DYNC2H1: variants seen among roughly 807,000 people sequenced by gnomAD.
DYNC2H1 encodes dynein cytoplasmic 2 heavy chain 1.
Under a neutral mutation model 570.0 loss-of-function variants are expected in DYNC2H1, and 410 were observed. The ratio of observed to expected loss-of-function variants is 0.72; its 90% CI spans 0.66 to 0.78. DYNC2H1 has a LOEUF of 0.78. Among genes scored for constraint, DYNC2H1 ranks in the 30% least tolerant of loss-of-function variants. The pLI, the probability that DYNC2H1 is intolerant of heterozygous loss-of-function variation, is 0.00. For synonymous variants in DYNC2H1, 1,688 were observed against 1,677.6 expected (o/e 1.01, Z -0.15); for missense variants, 4,865 against 5,046.4 (o/e 0.96, Z 1.09).
At position 103,118,344 on chromosome 11, in the gene DYNC2H1, T is replaced by C. The variant is rs1437497979; in HGVS notation, c.999+481T>C. 3.3e-5 allele frequency among the ~76,000 whole-genome samples: 5 copies of C among 151,884 alleles called. No individual in the cohort carries two copies. The South Asian group carries it at 8.3e-4, about 25-fold the overall frequency. ...TGCTTAGAAGAACTATAGTTCTTTATTAGAGACTTTTTTAAAAAAAAAAAC... is the reference window on the plus strand; with the variant it reads ...TGCTTAGAAGAACTATAGTTCTTTACTAGAGACTTTTTTAAAAAAAAAAAC... On this transcript the variant is annotated intron_variant, in intron 6 of 88. Coordinates refer to ENST00000375735, the MANE Select transcript of DYNC2H1 (RefSeq NM_001377.3).
At chr11:103,387,002 T>G (rs1252408657) in intron 83 of DYNC2H1, among the ~76,000 whole-genome samples, 6 of 151,976 alleles carry the variant, frequency 3.9e-5, no homozygotes, top group Non-Finnish European at 4.4e-5. Flanking sequence ...TTATAATCCT[T>G]TGGGTATATA....
chr11:103,263,955 T>C (rs1233351943), intron 70 of DYNC2H1, among the ~76,000 whole-genome samples: 1 of 151,548 alleles, frequency 6.6e-6, no homozygotes, highest in Admixed American at 6.6e-5. Flanking sequence ...AATAGACCGC[T>C]AGCAAGACTA....
At chr11:103,173,939 G>A in intron 35 of DYNC2H1, 116 bp from the exon 36 acceptor site, 1 of 675,516 alleles carries the variant, frequency 1.5e-6, no homozygotes, top group Non-Finnish European at 2.5e-6. Flanking sequence ...TAAATTAATG[G>A]GATATCAACA....
intron 83 of DYNC2H1, among the ~76,000 whole-genome samples, chr11:103,360,610 AATTATT>A (rs927926176): frequency 6.6e-6 from 1 of 152,136 alleles, no homozygotes; most frequent in Admixed American, 6.6e-5. Context: ...TTTTCAAGCA[AATTATT>A]ATTATTTATT....
chr11:103,159,097 C>G, intron 28 of DYNC2H1, 70 bp downstream of exon 28: 1 of 1,180,420 alleles, frequency 8.5e-7, no homozygotes, highest in Non-Finnish European at 1.2e-6. Flanking sequence ...ATATTATGCT[C>G]TTAGGTAGAC....
chr11:103,317,781 A>T (rs1271286607), intron 80 of DYNC2H1, among the ~76,000 whole-genome samples: 1 of 152,080 alleles, frequency 6.6e-6, no homozygotes, highest in Non-Finnish European at 1.5e-5. Flanking sequence ...GCTTCTGGAG[A>T]TTGATTTCTT....
rs766435315 is a variant in DYNC2H1, at chr11:103,176,310, G to A, written c.5750G>A (p.Arg1917Gln). The A allele has an allele frequency of 7.1e-5, 111 of 1,557,092 alleles. 1 individual carries two copies. Among genetic ancestry groups the A allele is most frequent in the South Asian group, 3.2e-4 (27 of 83,102 alleles). ...AAGTTTACGTTTACTGATTGCACCC[G>A]GTTTGATGCACTGATAAAAGATGTC... ...MSKFTFTDCT[R>Q]FDALIKDVFP... Residue 1917 changes from arginine to glutamine, a missense_variant, in exon 37 of 89, where the codon CGG becomes CAG. This residue lies in a region of DYNC2H1 where 292 missense variants were observed against 300.2 expected (regional missense o/e 0.97). Transcript: ENST00000375735.
intron 83 of DYNC2H1, among the ~76,000 whole-genome samples, chr11:103,370,812 A>T (rs1941114759): frequency 1.3e-5 from 2 of 152,146 alleles, no homozygotes; most frequent in Non-Finnish European, 2.9e-5. Flanking sequence ...ACAACACCCA[A>T]GTCCTTTAAA....
At chr11:103,357,847 G>C (rs919404279) in intron 82 of DYNC2H1, among the ~76,000 whole-genome samples, 1 of 152,160 alleles carries the variant, frequency 6.6e-6, no homozygotes, top group African/African-American at 2.4e-5. Context: ...CTAGTAGGGA[G>C]GCTGAGATGG....
At chr11:103,466,945 G>A (rs535858062) in intron 87 of DYNC2H1, among the ~76,000 whole-genome samples, 1 of 152,080 alleles carries the variant, frequency 6.6e-6, no homozygotes, top group African/African-American at 2.4e-5. Flanking sequence ...GGTTATTGAG[G>A]TGTTTTTTTA....
At chr11:103,378,996 A>G (rs183317968) in intron 83 of DYNC2H1, among the ~76,000 whole-genome samples, 2 of 152,314 alleles carry the variant, frequency 1.3e-5, no homozygotes, top group East Asian at 3.9e-4. Context: ...TCTAAAGCCA[A>G]CCTTTCCACC....
chr11:103,376,939 C>T (rs1489422067), intron 83 of DYNC2H1, among the ~76,000 whole-genome samples: 2 of 152,150 alleles, frequency 1.3e-5, no homozygotes, highest in African/African-American at 4.8e-5. Context: ...TTTCTCAGTA[C>T]TTTCTCTTCC....
At position 103,399,862 on chromosome 11, in the gene DYNC2H1, T is replaced by C; in HGVS notation, c.12356T>C (p.Leu4119Ser). 1 of 1,613,438 alleles carries C rather than the reference T, an allele frequency of 6.2e-7. No homozygotes were observed. Among genetic ancestry groups the C allele is most frequent in the Non-Finnish European group, 8.5e-7 (1 of 1,179,608 alleles). Residue 4119 changes from leucine to serine, a missense_variant, in exon 84 of 89, where the codon TTA (leucine) becomes TCA (serine). Physicochemically the swap from Leu to Ser is moderately radical, Grantham distance 145 (BLOSUM62 -2). Around this residue, in one of 5 missense-constraint regions of DYNC2H1, gnomAD observed 2,401 missense variants for 2,454.6 expected, o/e 0.98. Transcript: ENST00000375735. Reference sequence around the variant, plus strand: ...GTACAAAAATTGGCAAGTGCTTTATTAAACCAAAAGGTAAGCGAGTACTAA... The same window carrying C: ...GTACAAAAATTGGCAAGTGCTTTATCAAACCAAAAGGTAAGCGAGTACTAA... ...SEVQKLASAL[L>S]NQKCPLAWQS...
Position 103,199,440 on chromosome 11 carries a change from A to T in DYNC2H1, c.8052A>T (p.Gly2684=), listed in dbSNP as rs769597063. The T allele has an allele frequency of 1.1e-5, 17 of 1,606,848 alleles. No homozygotes were observed. Among genetic ancestry groups the T allele is most frequent in the Admixed American group, 1.7e-5 (1 of 59,702 alleles). Residue 2684 remains glycine, a synonymous_variant, in exon 49 of 89, where the codon GGA becomes GGT. Coordinates refer to ENST00000375735, the MANE Select transcript of DYNC2H1 (RefSeq NM_001377.3). The surrounding 1 kb of genome is among the most constrained non-coding windows in gnomAD (Gnocchi z 4.6). ...AVLFSPKISR[G]YELKQFKNDL... is the part of the protein sequence containing the mutation. ...TGTTTTCTCCAAAGATTTCCAGAGG[A>T]TATGAACTGAAGCAGTTCAAAAATG...
chr11:103,147,790 T>G lies in DYNC2H1; in HGVS notation c.2721T>G (p.Cys907Trp). Residue 907 changes from cysteine (C) to tryptophan (W), a missense_variant, in exon 19 of 89, where the codon TGT becomes TGG. This residue lies in a region of DYNC2H1 where 1,936 missense variants were observed against 1,962.1 expected (regional missense o/e 0.99). Coordinates refer to ENST00000375735, the MANE Select transcript of DYNC2H1 (RefSeq NM_001377.3). ...TTTTCAGTGCTGTCAAGGTAGATTGTTTAAATATTAATTGCAACCCTGTGA... is the reference window on the plus strand; with the variant it reads ...TTTTCAGTGCTGTCAAGGTAGATTGGTTAAATATTAATTGCAACCCTGTGA... ...ERLPSAVKVD[C>W]LNINCNPVKT... 3 of 1,608,512 alleles carry G rather than the reference T, an allele frequency of 1.9e-6. No individual in the cohort carries two copies. Among genetic ancestry groups the G allele is most frequent in the Non-Finnish European group, 2.5e-6 (3 of 1,177,812 alleles).
At chr11:103,236,309 A>C in intron 62 of DYNC2H1, 121 bp from the exon 63 acceptor site, 1 of 646,838 alleles carries the variant, frequency 1.5e-6, no homozygotes, top group South Asian at 1.9e-5. Context: ...TAAATGTGGA[A>C]GAATGGGTTT....
intron 83 of DYNC2H1, among the ~76,000 whole-genome samples, chr11:103,373,735 T>G (rs1192789494): frequency 6.6e-6 from 1 of 152,122 alleles, no homozygotes; most frequent in East Asian, 1.9e-4. Context: ...AGTCCAATGG[T>G]TTTTTATTTT....
chr11:103,232,910 A>G (rs1864071494), intron 60 of DYNC2H1, among the ~76,000 whole-genome samples: 2 of 151,952 alleles, frequency 1.3e-5, no homozygotes, highest in Admixed American at 1.3e-4. Context: ...TTTATCCAGT[A>G]TGGTAGCCAA....
chr11:103,265,718 T>C (rs1284268928), intron 70 of DYNC2H1, among the ~76,000 whole-genome samples: 2 of 152,194 alleles, frequency 1.3e-5, no homozygotes, highest in Non-Finnish European at 2.9e-5. Flanking sequence ...GTGATGAAGT[T>C]GTTTGGAGGA....
Sources: gnomAD v4.1 joint callset for allele counts (sites outside exome capture counted in the v4.1 genomes callset) on GRCh38, gnomAD v4.1.1 for gene constraint, gnomAD v4.1.1 regional missense constraint, Gnocchi (gnomAD v3.1) non-coding constraint, MANE v1.5 for transcripts, NCBI Gene and HGNC (gene_info 2026-07-23, HGNC 2026-07-21) for gene names.